The following CPT1A variants were observed in gnomAD, a reference collection of about 807,000 sequenced individuals.
CPT1A encodes carnitine palmitoyltransferase 1A.
A neutral mutation model predicts 100.8 loss-of-function variants in CPT1A; 64 were observed. That is an observed-to-expected ratio of 0.63 (90% CI 0.52 to 0.78). CPT1A has a LOEUF of 0.78. Among genes scored for constraint, CPT1A ranks in the 30% least tolerant of loss-of-function variants. CPT1A has a pLI of 0.00. For missense variants in CPT1A, 802 were observed against 1,034.1 expected (o/e 0.78, Z 3.08); for synonymous variants, 363 against 396.0 (o/e 0.92, Z 0.99).
intron 14 of CPT1A, among the ~76,000 whole-genome samples, chr11:68,766,090 C>T (rs1178111368): frequency 2.0e-5 from 3 of 152,048 alleles, no homozygotes; most frequent in Admixed American, 6.6e-5. Context: ...AGGCTGGTCA[C>T]AAACTCCTGA....
chr11:68,760,260 G>T lies in CPT1A; in HGVS notation c.2107C>A (p.Pro703Thr), dbSNP rs1223542184. Residue 703 changes from proline (P) to threonine (T), a missense_variant, in exon 17 of 19, where the codon CCA (proline) becomes ACA (threonine). Pro to Thr is a conservative substitution (Grantham distance 38, BLOSUM62 -1). Coordinates refer to ENST00000265641, the MANE Select transcript of CPT1A (RefSeq NM_001876.4). Reference protein sequence around the residue: ...QVELFDLENNPEYVSSGGGFG... With the variant: ...QVELFDLENNTEYVSSGGGFG... Reference sequence around the variant, plus strand: ...CCCCCTCCGCTGGACACGTACTCTGGGTTATTCTCCAAGTCAAACAGCTCC... The same window carrying T: ...CCCCCTCCGCTGGACACGTACTCTGTGTTATTCTCCAAGTCAAACAGCTCC... The T allele has an allele frequency of 2.5e-6, 4 of 1,612,374 alleles. No individual in the cohort carries two copies. The highest frequency in any genetic ancestry group is 3.4e-6 in the Non-Finnish European group (4 of 1,179,630).
At chr11:68,816,569 G>C (rs1258314699) in intron 1 of CPT1A, among the ~76,000 whole-genome samples, 1 of 152,108 alleles carries the variant, frequency 6.6e-6, no homozygotes, top group Non-Finnish European at 1.5e-5. Flanking sequence ...AGGCTCCTTG[G>C]CACAGCCGCT....
chr11:68,762,409 T>G (rs1213511911), intron 15 of CPT1A, among the ~76,000 whole-genome samples: 1 of 152,250 alleles, frequency 6.6e-6, no homozygotes, highest in Non-Finnish European at 1.5e-5. Context: ...GAAGTATCAT[T>G]TGTAACATGC....
rs75078077 is a variant in CPT1A, at chr11:68,774,106, A to G, written c.1576-677T>C. On this transcript the variant is annotated intron_variant, in intron 13 of 18. Transcript: ENST00000265641. ...TATAAAACCTCAAGTCAAGAGGTCAAACCTCGCACTTAATCTCCCAAGTTG... is the reference window on the plus strand; with the variant it reads ...TATAAAACCTCAAGTCAAGAGGTCAGACCTCGCACTTAATCTCCCAAGTTG... Among the ~76,000 whole-genome samples the G allele has an allele frequency of 4.6e-3, 707 of 152,368 alleles. 10 individuals carry two copies. The highest frequency in any genetic ancestry group is 0.016 in the African/African-American group (669 of 41,588).
chr11:68,824,373 C>T (rs551113848), intron 1 of CPT1A, among the ~76,000 whole-genome samples: 1 of 152,166 alleles, frequency 6.6e-6, no homozygotes, highest in Non-Finnish European at 1.5e-5. Context: ...ACTCTCTTCC[C>T]TTTCATGGAG....
chr11:68,802,582 A>G (rs1423309522), intron 5 of CPT1A, among the ~76,000 whole-genome samples: 1 of 151,870 alleles, frequency 6.6e-6, no homozygotes, highest in Non-Finnish European at 1.5e-5. Context: ...CAAAAAAAAA[A>G]TATTAGCCAG....
chr11:68,754,712 T>C (rs540593589), downstream of CPT1A: 28 of 743,706 alleles, frequency 3.8e-5, no homozygotes, highest in African/African-American at 3.9e-4. Flanking sequence ...GCACAGCAAG[T>C]GAAAATCAAC....
intron 14 of CPT1A, among the ~76,000 whole-genome samples, chr11:68,769,625 C>T (rs919573857): frequency 3.3e-5 from 5 of 152,000 alleles, no homozygotes; most frequent in East Asian, 3.9e-4. Flanking sequence ...GTCCTGCCTC[C>T]GCCTGATTGC....
rs1448132866 is a variant in CPT1A at position 68,759,549 on chromosome 11, G to A, written c.2235+20C>T. The A allele has an allele frequency of 6.6e-7, 1 of 1,516,234 alleles. No homozygotes were observed. Among genetic ancestry groups the A allele is most frequent in the Non-Finnish European group, 9.2e-7 (1 of 1,091,110 alleles). 93.9% of individuals were successfully genotyped at this position (1,516,234 alleles called of 1,614,324 possible). A position where few individuals can be genotyped will look rare whatever the true frequency, so the allele number is the denominator to read the frequency against. On this transcript the variant is annotated intron_variant, in intron 18 of 18. Transcript: ENST00000265641. ...AAAAATACCCCATCTTCAGAAAAAG[G>A]AACTTCTTTTCATACATACCGTCTC...
intron 18 of CPT1A, among the ~76,000 whole-genome samples, chr11:68,758,267 AAAACAAAC>A (rs891628009): frequency 4.1e-4 from 60 of 146,780 alleles, no homozygotes; most frequent in African/African-American, 1.4e-3. Context: ...GACCCTGTCT[AAAACAAAC>A]AAACAAACAA....
intron 14 of CPT1A, among the ~76,000 whole-genome samples, chr11:68,767,482 G>C (rs1245075181): frequency 1.3e-5 from 2 of 152,082 alleles, no homozygotes; most frequent in East Asian, 3.9e-4. Flanking sequence ...CCAGCTACCT[G>C]GGAGACTGAG....
At chr11:68,803,686 G>A (rs1156254167) in intron 5 of CPT1A, among the ~76,000 whole-genome samples, 1 of 148,064 alleles carries the variant, frequency 6.8e-6, no homozygotes, top group Non-Finnish European at 1.5e-5. Flanking sequence ...ATTCTAGCCT[G>A]GGTGACAGAG....
At chr11:68,792,286 G>A (rs1016997670) in intron 9 of CPT1A, among the ~76,000 whole-genome samples, 1 of 152,046 alleles carries the variant, frequency 6.6e-6, no homozygotes, top group Non-Finnish European at 1.5e-5. Flanking sequence ...GCAGTGAGCC[G>A]AGATCGCGCC....
chr11:68,821,443 G>A (rs1048057918), intron 1 of CPT1A, among the ~76,000 whole-genome samples: 13 of 151,940 alleles, frequency 8.6e-5, no homozygotes, highest in South Asian at 2.1e-4. Flanking sequence ...GTGAGCCACC[G>A]CGCCCGGCCT....
chr11:68,807,742 C>CA, intron 3 of CPT1A, 104 bp from the exon 4 acceptor site: 2 of 1,153,856 alleles, frequency 1.7e-6, no homozygotes, highest in Non-Finnish European at 2.5e-6. Flanking sequence ...GGTCCAGCAG[C>CA]CTGCCCCAGG....
intron 5 of CPT1A, among the ~76,000 whole-genome samples, chr11:68,799,755 CA>C (rs1296868500): frequency 1.8e-3 from 257 of 139,084 alleles, no homozygotes; most frequent in Middle Eastern, 3.7e-3. Context: ...GACCCTATCT[CA>C]AAAAAAAAAA....
At chr11:68,806,632 A>C (rs1856054463) in intron 4 of CPT1A, among the ~76,000 whole-genome samples, 1 of 131,762 alleles carries the variant, frequency 7.6e-6, no homozygotes, top group Non-Finnish European at 1.5e-5. Context: ...TGTCTCAAAA[A>C]GAAAAAAAAA....
intron 1 of CPT1A, among the ~76,000 whole-genome samples, chr11:68,823,891 C>A (rs1176064783): frequency 3.3e-5 from 5 of 152,034 alleles, no homozygotes; most frequent in Non-Finnish European, 7.4e-5. Flanking sequence ...AACAGAAAAC[C>A]AAATACCGCA....
At chr11:68,834,431 G>A (rs644389) in intron 1 of CPT1A, among the ~76,000 whole-genome samples, 40,218 of 151,860 alleles carry the variant, frequency 0.26, 6,280 homozygotes, top group South Asian at 0.44. Flanking sequence ...GGGAGACTTC[G>A]TCTCAAAAAA....
Sources: allele counts gnomAD v4.1 joint callset (sites outside exome capture counted in the v4.1 genomes callset), GRCh38; gene constraint gnomAD v4.1.1; transcripts MANE v1.5; gene names NCBI Gene and HGNC (gene_info 2026-07-23, HGNC 2026-07-21).